Variants in INPP4B observed in about 807,000 individuals in gnomAD.
The protein encoded by INPP4B is inositol polyphosphate 4-phosphatase type II.
Under a neutral mutation model 122.5 loss-of-function variants are expected in INPP4B, and 55 were observed. The ratio of observed to expected loss-of-function variants is 0.45; its 90% CI spans 0.36 to 0.56. The LOEUF (loss-of-function observed/expected upper bound fraction) is 0.56, where lower values mean the gene tolerates loss of function less well. Ranked by LOEUF, INPP4B falls within the 20% of genes least tolerant of loss-of-function variation. The probability of loss-of-function intolerance (pLI) is 0.00; values close to 1 mark genes in which losing one functional copy is unlikely to be tolerated. For missense variants in INPP4B, 1,000 were observed against 1,097.7 expected (o/e 0.91, Z 1.26); for synonymous variants, 403 against 388.7 (o/e 1.04, Z -0.43).
At chr4:142,031,765 T>C (rs1356020141) in intron 25 of INPP4B, among the ~76,000 whole-genome samples, 1 of 152,186 alleles carries the variant, frequency 6.6e-6, no homozygotes, top group African/African-American at 2.4e-5. Context: ...TTATTTCTTC[T>C]ATTGGCTTCA....
At chr4:142,299,527 T>G (rs971613030) in intron 9 of INPP4B, among the ~76,000 whole-genome samples, 12 of 151,968 alleles carry the variant, frequency 7.9e-5, no homozygotes, top group Non-Finnish European at 1.5e-4. Context: ...TTTTAGTTTT[T>G]TTTTTTTTTT....
intron 25 of INPP4B, among the ~76,000 whole-genome samples, chr4:142,054,198 A>C (rs1312628881): frequency 4.6e-5 from 7 of 152,040 alleles, no homozygotes; most frequent in Admixed American, 4.6e-4. Flanking sequence ...AAAATAAAAC[A>C]AAACCTGGCT....
chr4:142,195,145 CA>C (rs1236889551), intron 14 of INPP4B, among the ~76,000 whole-genome samples: 1 of 152,172 alleles, frequency 6.6e-6, no homozygotes, highest in Non-Finnish European at 1.5e-5. Context: ...CCATCTGCAA[CA>C]AAACGAATGA....
chr4:142,576,935 A>T (rs1429348935), intron 2 of INPP4B, among the ~76,000 whole-genome samples: 7 of 152,082 alleles, frequency 4.6e-5, no homozygotes, highest in Admixed American at 4.6e-4. Flanking sequence ...TGATGTGTCC[A>T]TGTACACATG....
At chr4:142,201,875 A>G (rs557772363) in intron 14 of INPP4B, among the ~76,000 whole-genome samples, 1 of 152,180 alleles carries the variant, frequency 6.6e-6, no homozygotes, top group African/African-American at 2.4e-5. Context: ...AGCTTTTACC[A>G]TGGCTATATC....
chr4:142,092,164 G>A (rs188802545), intron 23 of INPP4B, among the ~76,000 whole-genome samples: 37 of 152,338 alleles, frequency 2.4e-4, no homozygotes, highest in African/African-American at 8.7e-4. Context: ...CCTCTTCTTA[G>A]CCCTTTGGTT....
At chr4:142,680,251 C>T (rs1758431270) in intron 2 of INPP4B, among the ~76,000 whole-genome samples, 1 of 151,774 alleles carries the variant, frequency 6.6e-6, no homozygotes, top group Non-Finnish European at 1.5e-5. Context: ...GTGCCAAGTA[C>T]CCCAGCCAAG....
At chr4:142,257,442 A>G (rs890216492) in intron 11 of INPP4B, among the ~76,000 whole-genome samples, 111 of 152,194 alleles carry the variant, frequency 7.3e-4, no homozygotes, top group Non-Finnish European at 1.4e-3. Flanking sequence ...ACATGATTGT[A>G]TATCTAGAAA....
chr4:142,393,869 T>C (rs1215562605), intron 7 of INPP4B, among the ~76,000 whole-genome samples: 1 of 152,246 alleles, frequency 6.6e-6, no homozygotes, highest in African/African-American at 2.4e-5. Flanking sequence ...TAAACCTTTT[T>C]CCACCACGTG....
intron 2 of INPP4B, among the ~76,000 whole-genome samples, chr4:142,506,896 C>G (rs1018817589): frequency 6.6e-6 from 1 of 152,162 alleles, no homozygotes; most frequent in Admixed American, 6.5e-5. Context: ...GGAGATCCAA[C>G]AAAGCCTGTT....
intron 2 of INPP4B, among the ~76,000 whole-genome samples, chr4:142,508,681 T>C (rs1304518307): frequency 6.6e-6 from 1 of 152,200 alleles, no homozygotes; most frequent in East Asian, 1.9e-4. Context: ...GTGTGATAGT[T>C]GTGATTAGGC....
At chr4:142,396,692 C>T (rs1057006793) in intron 7 of INPP4B, among the ~76,000 whole-genome samples, 6 of 151,844 alleles carry the variant, frequency 4.0e-5, no homozygotes, top group African/African-American at 7.2e-5. Flanking sequence ...TGTCAAAAAC[C>T]GGAAGCAACA....
chr4:142,421,350 T>C (rs1253478031), intron 5 of INPP4B, among the ~76,000 whole-genome samples: 1 of 152,082 alleles, frequency 6.6e-6, no homozygotes, highest in Non-Finnish European at 1.5e-5. Flanking sequence ...AGTAGGCAAT[T>C]AGAGGCACAG....
intron 2 of INPP4B, among the ~76,000 whole-genome samples, chr4:142,466,396 T>G (rs989265261): frequency 6.6e-6 from 1 of 152,216 alleles, no homozygotes; most frequent in African/African-American, 2.4e-5. Context: ...ACTTTAAGAC[T>G]GATGACTTAG....
chr4:142,615,139 AT>A (rs1743424378), intron 2 of INPP4B, among the ~76,000 whole-genome samples: 1 of 152,090 alleles, frequency 6.6e-6, no homozygotes, highest in Non-Finnish European at 1.5e-5. Flanking sequence ...ATTTATTTTT[AT>A]TTTAAAAGGT....
At chr4:142,714,279 A>G (rs1763487182) in intron 2 of INPP4B, among the ~76,000 whole-genome samples, 1 of 152,172 alleles carries the variant, frequency 6.6e-6, no homozygotes, top group African/African-American at 2.4e-5. Flanking sequence ...CTAATTAGAG[A>G]TCAAAATTGG....
At chr4:142,439,421 T>A (rs1026300586) in intron 3 of INPP4B, among the ~76,000 whole-genome samples, 1 of 152,216 alleles carries the variant, frequency 6.6e-6, no homozygotes, top group Non-Finnish European at 1.5e-5. Context: ...ATGTCTCATT[T>A]CATCTTGGCA....
intron 11 of INPP4B, among the ~76,000 whole-genome samples, chr4:142,243,737 G>A (rs1015605803): frequency 1.4e-4 from 22 of 152,144 alleles, no homozygotes; most frequent in Admixed American, 1.3e-3. Context: ...GACTCAAAAT[G>A]AGTATAGCAG....
intron 18 of INPP4B, among the ~76,000 whole-genome samples, chr4:142,128,931 C>T (rs1226348731): frequency 6.6e-6 from 1 of 152,192 alleles, no homozygotes; most frequent in Non-Finnish European, 1.5e-5. Flanking sequence ...AATTTCTGAG[C>T]CATTCTCTTC....
Sources: gnomAD v4.1 joint callset for allele counts (sites outside exome capture counted in the v4.1 genomes callset) on GRCh38, gnomAD v4.1.1 for gene constraint, MANE v1.5 for transcripts, NCBI Gene and HGNC (gene_info 2026-07-23, HGNC 2026-07-21) for gene names.